CARD19: variants seen among roughly 807,000 people sequenced by gnomAD.
CARD19 encodes caspase recruitment domain family member 19, also known as caspase recruitment domain-containing protein 19.
CARD19 carries 25 observed loss-of-function variants against 24.1 expected under a neutral mutation model. That is an observed-to-expected ratio of 1.04 (90% CI 0.76 to 1.45). CARD19 has a LOEUF of 1.45. Ranked by LOEUF, CARD19 falls within the 40% of genes most tolerant of loss-of-function variation. The pLI is 0.00. For missense variants in CARD19, 241 were observed against 247.4 expected (o/e 0.97, Z 0.17); for synonymous variants, 103 against 104.9 (o/e 0.98, Z 0.11).
chr9:93,103,224 G>A (rs946973443), intron 1 of CARD19, among the ~76,000 whole-genome samples: 2 of 152,084 alleles, frequency 1.3e-5, no homozygotes, highest in African/African-American at 2.4e-5. Flanking sequence ...AGAAGCTTTC[G>A]GTCTTTCACC....
At chr9:93,112,612 T>A (rs1366957344) in intron 5 of CARD19, among the ~76,000 whole-genome samples, 1 of 152,162 alleles carries the variant, frequency 6.6e-6, no homozygotes, top group Non-Finnish European at 1.5e-5. Context: ...GCAGGTCACG[T>A]GCCCCAGGGC....
Position 93,098,767 on chromosome 9 carries a change from A to G in CARD19, c.7+2415A>G, listed in dbSNP as rs141504789. Among the ~76,000 whole-genome samples the G allele has an allele frequency of 1.4e-4, 22 of 152,112 alleles. No individual in the cohort carries two copies. In the East Asian group the frequency reaches 4.3e-3, roughly 29 times the overall value. On this transcript the variant is annotated intron_variant, in intron 1 of 5. Transcript: ENST00000375464. ...GCCAGCTGACTCACGGCTCATGGTG[A>G]CTCATGGCTCTGCAGCAGCGGAGGC... is the stretch of plus-strand genomic sequence containing the variant.
At chr9:93,105,527 T>TGGCA (rs1827223510) in intron 1 of CARD19, among the ~76,000 whole-genome samples, 1 of 152,182 alleles carries the variant, frequency 6.6e-6, no homozygotes, top group Non-Finnish European at 1.5e-5. Flanking sequence ...GTGATCTGCC[T>TGGCA]GCCTTAGCTT....
chr9:93,096,415 G>T lies in CARD19; in HGVS notation c.7+63G>T. 1 of 1,217,744 alleles carries T rather than the reference G, an allele frequency of 8.2e-7. No individual in the cohort carries two copies. Among genetic ancestry groups the T allele is most frequent in the Non-Finnish European group, 1.0e-6 (1 of 977,178 alleles). The allele number at this position is 1,217,744 out of a possible 1,614,324, so 75.4% of individuals were successfully genotyped here. On this transcript the variant is annotated intron_variant, in intron 1 of 5. Coordinates refer to ENST00000375464, the MANE Select transcript of CARD19 (RefSeq NM_032310.5). This position sits in a 1 kb window ranked among gnomAD's most constrained non-coding sequence, Gnocchi z 5.4. ...GCCCTGGATGGGTGGCCCGGCCCGG[G>T]GGTCCGGCTGCCTTGCGAGTCGCCT...
intron 1 of CARD19, among the ~76,000 whole-genome samples, chr9:93,100,420 C>G (rs1380360334): frequency 2.0e-5 from 3 of 152,248 alleles, no homozygotes; most frequent in African/African-American, 7.2e-5. Context: ...AACGATTCAC[C>G]TGCCTTGGCC....
chr9:93,096,318 G>A lies in CARD19; in HGVS notation c.-28G>A. Reference sequence around the variant, plus strand: ...ACGCGCGGCGGGGCAGACCGCTGGGGACTGCGGGCGGCGCTGTGTCCGTCG... The same window carrying A: ...ACGCGCGGCGGGGCAGACCGCTGGGAACTGCGGGCGGCGCTGTGTCCGTCG... On this transcript the variant is annotated 5_prime_UTR_variant, in exon 1 of 6. Transcript: ENST00000375464. The surrounding 1 kb of genome is among the most constrained non-coding windows in gnomAD (Gnocchi z 5.4). 1.6e-6 allele frequency: 2 copies of A among 1,225,548 alleles called. No homozygotes were observed. Among genetic ancestry groups the A allele is most frequent in the African/African-American group, 3.1e-5 (2 of 64,174 alleles). 75.9% of individuals were successfully genotyped at this position (1,225,548 alleles called of 1,614,324 possible). A position where few individuals can be genotyped will look rare whatever the true frequency, so the allele number is the denominator to read the frequency against.
At chr9:93,111,612 A>C in intron 3 of CARD19, 1 of 1,327,958 alleles carries the variant, frequency 7.5e-7, no homozygotes, top group Non-Finnish European at 9.6e-7. Flanking sequence ...GGGGCTTTCA[A>C]AACCAGGCAG....
intron 1 of CARD19, among the ~76,000 whole-genome samples, chr9:93,105,488 C>T (rs1827222251): frequency 6.6e-6 from 1 of 152,100 alleles, no homozygotes; most frequent in Non-Finnish European, 1.5e-5. Context: ...GCCATGTTGG[C>T]CAGGCTGGTC....
At chr9:93,102,077 T>C (rs1241997754) in intron 1 of CARD19, among the ~76,000 whole-genome samples, 2 of 151,920 alleles carry the variant, frequency 1.3e-5, no homozygotes, top group African/African-American at 4.8e-5. Context: ...TTCTCCTGCC[T>C]CAGCCTCCCA....
intron 1 of CARD19, among the ~76,000 whole-genome samples, chr9:93,105,166 G>A (rs1315175680): frequency 7.1e-6 from 1 of 141,704 alleles, no homozygotes; most frequent in African/African-American, 2.7e-5. Context: ...TGTAAGGTGT[G>A]TGTGTGTGTG....
intron 2 of CARD19, among the ~76,000 whole-genome samples, chr9:93,108,412 C>A (rs1438874380): frequency 6.6e-6 from 1 of 152,170 alleles, no homozygotes; most frequent in Non-Finnish European, 1.5e-5. Flanking sequence ...TGACTCACCC[C>A]ACAGCCGCGC....
rs981758353 is a variant in CARD19 at position 93,107,837 on chromosome 9, G to A, written c.150+21G>A. The A allele has an allele frequency of 7.4e-6, 12 of 1,613,938 alleles. No homozygotes were observed. The South Asian group carries it at 8.8e-5, about 12-fold the overall frequency. On this transcript the variant is annotated intron_variant, in intron 2 of 5. Transcript: ENST00000375464. ...AAAAGGTGCTGAGGAGGTGAGGGGG[G>A]TACCCGAGACACTGCTCAGTTTCCC...
At chr9:93,106,758 C>T (rs945098562) in intron 1 of CARD19, among the ~76,000 whole-genome samples, 1 of 151,954 alleles carries the variant, frequency 6.6e-6, no homozygotes, top group Non-Finnish European at 1.5e-5. Flanking sequence ...CATTTAGAGT[C>T]CCTTCTCAGT....
intron 3 of CARD19, 125 bp downstream of exon 3, chr9:93,110,846 C>A (rs1827449597): frequency 1.3e-6 from 2 of 1,535,042 alleles, no homozygotes; most frequent in South Asian, 2.4e-5. Context: ...GCCTGGCATC[C>A]CCTCTCGCCT....
chr9:93,102,341 C>T (rs7857595), intron 1 of CARD19, among the ~76,000 whole-genome samples: 66,972 of 152,030 alleles, frequency 0.44, 17,687 homozygotes, highest in East Asian at 0.63. Context: ...TATTCAAGTT[C>T]TTTGCCTATT....
rs768789265 is a variant in CARD19, at chr9:93,111,041, A to G, written c.304+320A>G. 16 of 1,398,422 alleles carry G rather than the reference A, an allele frequency of 1.1e-5. No homozygotes were observed. The South Asian group carries it at 1.7e-4, about 15-fold the overall frequency. 86.6% of individuals were successfully genotyped at this position (1,398,422 alleles called of 1,614,324 possible). The stretch of plus-strand genomic sequence containing the variant: ...GCCCTTCCTTTTCTAACCTCATTCC[A>G]CGGGGATCCCTTCATGTCTGTGTGG... On this transcript the variant is annotated intron_variant, in intron 3 of 5. Coordinates refer to ENST00000375464, the MANE Select transcript of CARD19 (RefSeq NM_032310.5).
intron 2 of CARD19, 38 bp downstream of exon 2, chr9:93,107,854 C>G (rs1246099739): frequency 6.2e-7 from 1 of 1,613,008 alleles, no homozygotes; most frequent in Non-Finnish European, 8.5e-7. Flanking sequence ...AGACACTGCT[C>G]AGTTTCCCTT....
chr9:93,103,205 C>T (rs1228636520), intron 1 of CARD19, among the ~76,000 whole-genome samples: 4 of 152,206 alleles, frequency 2.6e-5, no homozygotes, highest in Admixed American at 2.6e-4. Flanking sequence ...TATCTTGTTC[C>T]TGATCTTAAG....
At chr9:93,106,421 A>AAAAAAAT in intron 1 of CARD19, among the ~76,000 whole-genome samples, 1 of 128,462 alleles carries the variant, frequency 7.8e-6, no homozygotes, top group Middle Eastern at 4.6e-3. Flanking sequence ...TACTAAAAAA[A>AAAAAAAT]AAAAAAAAAT....
Sources: allele counts gnomAD v4.1 joint callset (sites outside exome capture counted in the v4.1 genomes callset), GRCh38; gene constraint gnomAD v4.1.1; non-coding constraint Gnocchi (gnomAD v3.1); transcripts MANE v1.5; gene names NCBI Gene and HGNC (gene_info 2026-07-23, HGNC 2026-07-21).